The following NAALADL2 variants were observed in gnomAD, a reference collection of about 807,000 sequenced individuals.
NAALADL2 encodes inactive N-acetylated-alpha-linked acidic dipeptidase-like protein 2.
In NAALADL2, 76 loss-of-function variants were observed where a neutral mutation model predicts 87.2. The ratio of observed to expected loss-of-function variants is 0.87; its 90% CI spans 0.72 to 1.05. NAALADL2 has a LOEUF of 1.05. Ranked by LOEUF, NAALADL2 falls within the 50% of genes least tolerant of loss-of-function variation. The pLI is 0.00. For missense variants in NAALADL2, 1,089 were observed against 945.8 expected (o/e 1.15, Z -1.99); for synonymous variants, 354 against 331.0 (o/e 1.07, Z -0.75).
At position 175,795,614 on chromosome 3, in the gene NAALADL2, C is replaced by T. The variant is rs186488704; in HGVS notation, c.2190-7391C>T. Among the ~76,000 whole-genome samples, 601 of 151,636 alleles carry T rather than the reference C, an allele frequency of 4.0e-3. 2 individuals carry two copies. Among genetic ancestry groups the T allele is most frequent in the Non-Finnish European group, 6.4e-3 (435 of 67,930 alleles). ...AGGAGAATGGTGTGAACCTGGGAGG[C>T]GGAGCTTGCAGTGAGCAGAGATTGT... is the stretch of plus-strand genomic sequence containing the variant. On this transcript the variant is annotated intron_variant, in intron 13 of 13. Coordinates refer to ENST00000454872, the MANE Select transcript of NAALADL2 (RefSeq NM_207015.3).
At chr3:175,475,022 AGTACACAC>A (rs1431809072) in intron 9 of NAALADL2, among the ~76,000 whole-genome samples, 1 of 144,438 alleles carries the variant, frequency 6.9e-6, no homozygotes, top group Non-Finnish European at 1.5e-5. Context: ...CAAACATTTA[AGTACACAC>A]ACACACACAC....
chr3:174,602,749 A>G (rs1718584473), intron 2 of NAALADL2, among the ~76,000 whole-genome samples: 2 of 151,976 alleles, frequency 1.3e-5, no homozygotes, highest in African/African-American at 2.4e-5. Flanking sequence ...TTAGTATGAT[A>G]TTAGCTGTGG....
intron 1 of NAALADL2, among the ~76,000 whole-genome samples, chr3:175,018,649 T>C (rs1170099499): frequency 6.6e-6 from 1 of 152,018 alleles, no homozygotes; most frequent in East Asian, 1.9e-4. Context: ...TGAGCTGGGG[T>C]ATATTTACAC....
At chr3:174,908,024 T>A (rs1005096539) in intron 1 of NAALADL2, among the ~76,000 whole-genome samples, 3 of 70,256 alleles carry the variant, frequency 4.3e-5, no homozygotes, top group African/African-American at 2.1e-4. Flanking sequence ...GAAGTTGGTT[T>A]TTTTTTTTTT....
intron 6 of NAALADL2, among the ~76,000 whole-genome samples, chr3:175,454,384 G>C (rs1722024768): frequency 6.6e-6 from 1 of 152,022 alleles, no homozygotes; most frequent in Non-Finnish European, 1.5e-5. Flanking sequence ...CCATGCCCCT[G>C]CTCTGCTTAA....
intron 5 of NAALADL2, among the ~76,000 whole-genome samples, chr3:175,415,837 G>A (rs1714531269): frequency 6.6e-6 from 1 of 151,630 alleles, no homozygotes. Context: ...ATTCAGATTG[G>A]GTGTGGTGGC....
intron 2 of NAALADL2, among the ~76,000 whole-genome samples, chr3:175,166,519 T>A (rs1734027903): frequency 6.6e-6 from 1 of 152,060 alleles, no homozygotes; most frequent in South Asian, 2.1e-4. Context: ...TTGACAACTA[T>A]TTCCTTATTA....
chr3:175,749,509 G>A (rs1041858414), intron 12 of NAALADL2, among the ~76,000 whole-genome samples: 1 of 151,940 alleles, frequency 6.6e-6, no homozygotes, highest in Non-Finnish European at 1.5e-5. Flanking sequence ...TATATCCTTT[G>A]GAGGAGGGGA....
chr3:175,767,880 C>T (rs888512868), intron 13 of NAALADL2, among the ~76,000 whole-genome samples: 1 of 152,160 alleles, frequency 6.6e-6, no homozygotes, highest in Non-Finnish European at 1.5e-5. Flanking sequence ...TGCCTGAAAC[C>T]GTTGCTGAAG....
Position 174,698,381 on chromosome 3 carries a change from G to A in NAALADL2, c.-114-39260G>A, listed in dbSNP as rs147558051. 7.2e-5 allele frequency among the ~76,000 whole-genome samples: 11 copies of A among 152,176 alleles called. No homozygotes were observed. The East Asian group carries it at 1.9e-3, about 27-fold the overall frequency. ...TTTACTGGTTCTATGATTCTAGGTA[G>A]AGAGACATTTCCTCTCAGGATTTTG... On this transcript the variant is annotated intron_variant, in intron 2 of 3. Coordinates refer to the NAALADL2 transcript ENST00000434257.
chr3:175,523,507 T>C (rs2149425444), intron 9 of NAALADL2, among the ~76,000 whole-genome samples: 2 of 152,352 alleles, frequency 1.3e-5, no homozygotes. Context: ...AACAGTGTTA[T>C]AAATAAAGTT....
At chr3:174,473,227 C>A (rs1717013439) in intron 1 of NAALADL2, among the ~76,000 whole-genome samples, 1 of 152,102 alleles carries the variant, frequency 6.6e-6, no homozygotes, top group Non-Finnish European at 1.5e-5. Context: ...TCCCTGCCAA[C>A]CTGGATCAAT....
chr3:174,808,427 C>A (rs926487049), intron 3 of NAALADL2, among the ~76,000 whole-genome samples: 1 of 152,032 alleles, frequency 6.6e-6, no homozygotes, highest in East Asian at 1.9e-4. Context: ...TTCTCATGAA[C>A]TTTGAAGTAC....
intron 11 of NAALADL2, among the ~76,000 whole-genome samples, chr3:175,674,074 A>G (rs748629399): frequency 1.9e-4 from 29 of 152,164 alleles, no homozygotes; most frequent in Non-Finnish European, 3.2e-4. Context: ...CTGTGTTCCA[A>G]TTTGATAGCA....
chr3:174,949,355 A>AGTGAT (rs1560401975), intron 1 of NAALADL2, among the ~76,000 whole-genome samples: 17 of 151,954 alleles, frequency 1.1e-4, no homozygotes, highest in Admixed American at 9.8e-4. Flanking sequence ...ACATAATATC[A>AGTGAT]CTTCTGCCAT....
At chr3:174,987,589 A>AC (rs1746084456) in intron 1 of NAALADL2, among the ~76,000 whole-genome samples, 3 of 141,248 alleles carry the variant, frequency 2.1e-5, no homozygotes, top group South Asian at 4.3e-4. Flanking sequence ...AAAAAAAAAA[A>AC]AAAAAAAAAC....
chr3:175,230,902 T>C (rs1744850372), intron 2 of NAALADL2, among the ~76,000 whole-genome samples: 1 of 152,038 alleles, frequency 6.6e-6, no homozygotes, highest in South Asian at 2.1e-4. Flanking sequence ...TATGGACCAA[T>C]AATCCCTTGC....
In NAALADL2 at chr3:175,619,326, A is replaced by C. The variant is rs76897099; in HGVS notation, c.1801-7965A>C. ...GAGAAAGAAAAAGTAAGAAAGAAAGAAAAGCAAAGCAAAGAAAGAATGAAT... is the reference window on the plus strand; with the variant it reads ...GAGAAAGAAAAAGTAAGAAAGAAAGCAAAGCAAAGCAAAGAAAGAATGAAT... On this transcript the variant is annotated intron_variant, in intron 10 of 13. Coordinates refer to ENST00000454872, the MANE Select transcript of NAALADL2 (RefSeq NM_207015.3). Among the ~76,000 whole-genome samples the C allele has an allele frequency of 3.1e-3, 467 of 152,220 alleles. 2 individuals are homozygous for C. Among genetic ancestry groups the C allele is most frequent in the African/African-American group, 0.01 (436 of 41,554 alleles).
intron 3 of NAALADL2, among the ~76,000 whole-genome samples, chr3:174,835,246 T>A (rs551084892): frequency 6.6e-6 from 1 of 152,198 alleles, no homozygotes; most frequent in African/African-American, 2.4e-5. Flanking sequence ...AAGTTCTTAC[T>A]ATTTAATGGG....
Sources: allele counts gnomAD v4.1 joint callset (sites outside exome capture counted in the v4.1 genomes callset), GRCh38; gene constraint gnomAD v4.1.1; transcripts MANE v1.5; gene names NCBI Gene and HGNC (gene_info 2026-07-23, HGNC 2026-07-21).